Variants in FGF7 observed in about 807,000 individuals in gnomAD.
FGF7 encodes the protein fibroblast growth factor 7, also known as FGF-7.
In FGF7, 6 loss-of-function variants were observed where a neutral mutation model predicts 20.5. That is an observed-to-expected ratio of 0.29 (90% CI 0.16 to 0.58). The LOEUF (loss-of-function observed/expected upper bound fraction) is 0.58. Ranked by LOEUF, FGF7 falls within the 20% of genes least tolerant of loss-of-function variation. The pLI, the probability that FGF7 is intolerant of heterozygous loss-of-function variation, is 0.90. For missense variants in FGF7, 144 were observed against 228.8 expected (o/e 0.63, Z 2.39); for synonymous variants, 64 against 74.7 (o/e 0.86, Z 0.74).
At chr15:49,451,347 A>T (rs2052718654) in intron 2 of FGF7, among the ~76,000 whole-genome samples, 1 of 152,092 alleles carries the variant, frequency 6.6e-6, no homozygotes, top group African/African-American at 2.4e-5. Context: ...AATTAGTATC[A>T]TAATGATAAA....
rs567603855 is a variant in FGF7, at chr15:49,476,323, T to C, written c.287-6828T>C. ...AGAAAATACTAACTGAATTTTTGTA[T>C]ATATTTATTAATATCCAGATAGGAT... On this transcript the variant is annotated intron_variant, in intron 2 of 3. Coordinates refer to ENST00000267843, the MANE Select transcript of FGF7 (RefSeq NM_002009.4). 1.1e-3 allele frequency among the ~76,000 whole-genome samples: 163 copies of C among 151,660 alleles called. 1 individual carries two copies. The highest frequency in any genetic ancestry group is 3.9e-3 in the African/African-American group (160 of 41,494).
intron 2 of FGF7, among the ~76,000 whole-genome samples, chr15:49,432,277 T>G (rs958765986): frequency 1.3e-5 from 2 of 151,700 alleles, no homozygotes; most frequent in African/African-American, 4.8e-5. Flanking sequence ...ATTTCCAAAC[T>G]GTGTTTCTTT....
chr15:49,436,787 C>G (rs1347388971), intron 2 of FGF7, among the ~76,000 whole-genome samples: 1 of 151,562 alleles, frequency 6.6e-6, no homozygotes, highest in African/African-American at 2.4e-5. Context: ...ACATGTATCA[C>G]TATACTGTCA....
intron 2 of FGF7, among the ~76,000 whole-genome samples, chr15:49,440,780 C>G (rs2051563132): frequency 6.6e-6 from 1 of 151,594 alleles, no homozygotes; most frequent in Non-Finnish European, 1.5e-5. Context: ...GAACTCAGGG[C>G]TCTACAGAAA....
intron 2 of FGF7, among the ~76,000 whole-genome samples, chr15:49,463,323 G>A (rs959457916): frequency 1.3e-5 from 2 of 152,166 alleles, no homozygotes. Flanking sequence ...GGAGGCTGAG[G>A]TGGGTGGATC....
intron 2 of FGF7, among the ~76,000 whole-genome samples, chr15:49,479,132 G>A (rs559234857): frequency 6.6e-6 from 1 of 152,298 alleles, no homozygotes; most frequent in African/African-American, 2.4e-5. Context: ...GTGTAAGGGT[G>A]ACATCCTAAA....
rs1236418304 is a variant in FGF7, at chr15:49,488,121, T to C, written c.*3617T>C. 1 of 152,024 alleles carries C rather than the reference T, an allele frequency of 6.6e-6. No individual in the cohort carries two copies. Among genetic ancestry groups the C allele is most frequent in the Admixed American group, 6.6e-5 (1 of 15,216 alleles). 9.4% of individuals were successfully genotyped at this position (152,024 alleles called of 1,614,324 possible). On this transcript the variant is annotated 3_prime_UTR_variant, in exon 4 of 4. Coordinates refer to ENST00000267843, the MANE Select transcript of FGF7 (RefSeq NM_002009.4). Reference sequence around the variant, plus strand: ...CGAAATGGATGCAGGCCACTATGACTAACTTGTGGGTATCATTTCTATGAT... The same window carrying C: ...CGAAATGGATGCAGGCCACTATGACCAACTTGTGGGTATCATTTCTATGAT...
chr15:49,431,024 C>T (rs563710120), intron 2 of FGF7, among the ~76,000 whole-genome samples: 1 of 151,882 alleles, frequency 6.6e-6, no homozygotes, highest in African/African-American at 2.4e-5. Context: ...TTGTATCACA[C>T]AATTTTTGGT....
At chr15:49,462,171 G>T (rs1338216230) in intron 2 of FGF7, among the ~76,000 whole-genome samples, 2 of 152,130 alleles carry the variant, frequency 1.3e-5, no homozygotes, top group African/African-American at 4.8e-5. Flanking sequence ...AAGGAGAAAT[G>T]TGTGAGGATC....
At chr15:49,468,737 T>G (rs911287489) in intron 2 of FGF7, among the ~76,000 whole-genome samples, 1 of 152,108 alleles carries the variant, frequency 6.6e-6, no homozygotes, top group East Asian at 1.9e-4. Context: ...ACTCAAACAT[T>G]GAATCATTCC....
At chr15:49,477,039 G>A (rs538478717) in intron 2 of FGF7, among the ~76,000 whole-genome samples, 2 of 143,220 alleles carry the variant, frequency 1.4e-5, no homozygotes, top group East Asian at 4.2e-4. Context: ...CAGCCTGGGC[G>A]ACAAAGCGAG....
chr15:49,452,928 A>G (rs1431576064), intron 2 of FGF7, among the ~76,000 whole-genome samples: 1 of 152,180 alleles, frequency 6.6e-6, no homozygotes, highest in Non-Finnish European at 1.5e-5. Flanking sequence ...CAAAGTCAGG[A>G]ATTTATCACT....
At chr15:49,432,222 C>T (rs2050682038) in intron 2 of FGF7, among the ~76,000 whole-genome samples, 2 of 151,672 alleles carry the variant, frequency 1.3e-5, no homozygotes, top group Admixed American at 1.3e-4. Flanking sequence ...TAGTTTGAGA[C>T]CAAATTCAGA....
intron 2 of FGF7, among the ~76,000 whole-genome samples, chr15:49,481,439 G>T (rs2055935015): frequency 6.6e-6 from 1 of 152,174 alleles, no homozygotes. Context: ...TTACCAAATA[G>T]AGTGCTCTAA....
At chr15:49,436,738 C>T (rs537983041) in intron 2 of FGF7, among the ~76,000 whole-genome samples, 1 of 151,610 alleles carries the variant, frequency 6.6e-6, no homozygotes, top group South Asian at 2.1e-4. Context: ...GATGTGAATG[C>T]AAGTAGGTTT....
chr15:49,444,991 T>C (rs571265641), intron 2 of FGF7, among the ~76,000 whole-genome samples: 6 of 151,814 alleles, frequency 4.0e-5, no homozygotes, highest in Non-Finnish European at 8.9e-5. Flanking sequence ...TTCTGATTCA[T>C]ATTCATATAT....
rs543155145 is a variant in FGF7 at position 49,443,282 on chromosome 15, A to G, written c.286+18699A>G. ...AAACTCTTTACTACTGAATTTCTTT[A>G]CTATTATATATGTTTTTGAGGTTAT... On this transcript the variant is annotated intron_variant, in intron 2 of 3. Coordinates refer to ENST00000267843, the MANE Select transcript of FGF7 (RefSeq NM_002009.4). Among the ~76,000 whole-genome samples, 314 of 151,816 alleles carry G rather than the reference A, an allele frequency of 2.1e-3. 2 individuals are homozygous for G. Among genetic ancestry groups the G allele is most frequent in the African/African-American group, 7.2e-3 (298 of 41,504 alleles).
At chr15:49,458,507 C>A (rs1206151234) in intron 2 of FGF7, among the ~76,000 whole-genome samples, 2 of 152,062 alleles carry the variant, frequency 1.3e-5, no homozygotes, top group Non-Finnish European at 2.9e-5. Flanking sequence ...AGATTCAACA[C>A]ACTTTTGCAT....
intron 2 of FGF7, among the ~76,000 whole-genome samples, chr15:49,444,210 C>T (rs1225589906): frequency 1.3e-5 from 2 of 151,594 alleles, no homozygotes; most frequent in African/African-American, 2.4e-5. Context: ...CATTCTCCCT[C>T]ATAAGGATTT....
Sources: allele counts gnomAD v4.1 joint callset (sites outside exome capture counted in the v4.1 genomes callset), GRCh38; gene constraint gnomAD v4.1.1; transcripts MANE v1.5; gene names NCBI Gene and HGNC (gene_info 2026-07-23, HGNC 2026-07-21).